The following MSI2 variants were observed in gnomAD, a reference collection of about 807,000 sequenced individuals.
MSI2 encodes musashi RNA binding protein 2.
A neutral mutation model predicts 45.6 loss-of-function variants in MSI2; 17 were observed. The observed-to-expected ratio is 0.37, with a 90% CI of 0.26 to 0.56. The LOEUF (loss-of-function observed/expected upper bound fraction) is 0.56. MSI2 is among the 20% of genes least tolerant of loss of function. MSI2 has a pLI of 0.77. For missense variants in MSI2, 293 were observed against 444.2 expected, an observed-to-expected ratio of 0.66 and a Z score of 3.06; for synonymous variants, 156 against 158.2, an observed-to-expected ratio of 0.99 and a Z score of 0.11.
At chr17:57,626,896 C>T in intron 9 of MSI2, 1 of 389,960 alleles carries the variant, frequency 2.6e-6, no homozygotes, top group South Asian at 3.3e-5. Context: ...AGGTAAAGTA[C>T]ATGCAGGGTA....
At position 57,482,298 on chromosome 17, in the gene MSI2, C is replaced by T. The variant is rs536883034; in HGVS notation, c.406-47378C>T. 2.6e-5 allele frequency among the ~76,000 whole-genome samples: 4 copies of T among 152,298 alleles called. No homozygotes were observed. In the East Asian group the frequency reaches 7.7e-4, roughly 29 times the overall value. ...GAGATTGTTGGAAACACCATCGGCTCACAGTTGCTTTGGCGTTCACGCTAC... is the reference window on the plus strand; with the variant it reads ...GAGATTGTTGGAAACACCATCGGCTTACAGTTGCTTTGGCGTTCACGCTAC... On this transcript the variant is annotated intron_variant, in intron 6 of 13. Transcript: ENST00000284073.
intron 7 of MSI2, among the ~76,000 whole-genome samples, chr17:57,575,944 CAAAAAAA>C (rs34036311): frequency 5.1e-4 from 33 of 64,440 alleles, no homozygotes; most frequent in African/African-American, 1.2e-3. Context: ...GACTCCGTCT[CAAAAAAA>C]AAAAAAAAAA....
chr17:57,629,736 G>A (rs1247534645), intron 10 of MSI2: 4 of 152,890 alleles, frequency 2.6e-5, no homozygotes, highest in African/African-American at 7.2e-5. Flanking sequence ...AGAAGCTGGT[G>A]GCTTTTCCTC....
chr17:57,691,772 C>G, the MSI2 span, among the ~76,000 whole-genome samples: 5 of 152,172 alleles, frequency 3.3e-5, no homozygotes, highest in Non-Finnish European at 7.4e-5. Context: ...GATAATCATA[C>G]TGTCTGAAAA....
chr17:57,508,714 C>T (rs1185070718), intron 6 of MSI2, among the ~76,000 whole-genome samples: 2 of 152,178 alleles, frequency 1.3e-5, no homozygotes, highest in Non-Finnish European at 2.9e-5. Flanking sequence ...GAGTGCAGCT[C>T]ACAGATACGC....
chr17:57,631,831 G>A (rs781589123), intron 10 of MSI2: 2 of 1,613,524 alleles, frequency 1.2e-6, no homozygotes, highest in East Asian at 4.5e-5. Context: ...TTATCAACTA[G>A]CTCTTAAGAG....
chr17:57,504,262 C>T (rs2086179458), intron 6 of MSI2, among the ~76,000 whole-genome samples: 1 of 152,160 alleles, frequency 6.6e-6, no homozygotes, highest in Admixed American at 6.5e-5. Flanking sequence ...AGGCTGTGTG[C>T]CCTCCCGTTA....
At chr17:57,420,539 G>A (rs1312239039) in intron 6 of MSI2, among the ~76,000 whole-genome samples, 1 of 152,164 alleles carries the variant, frequency 6.6e-6, no homozygotes, top group Non-Finnish European at 1.5e-5. Context: ...GCAACCTGCC[G>A]AGGGAGTCGG....
At chr17:57,541,420 A>G (rs1229323997) in intron 7 of MSI2, among the ~76,000 whole-genome samples, 1 of 152,198 alleles carries the variant, frequency 6.6e-6, no homozygotes, top group Non-Finnish European at 1.5e-5. Context: ...GCTCATGTGT[A>G]TGACAACATG....
At chr17:57,489,283 C>T (rs1427091404) in intron 6 of MSI2, among the ~76,000 whole-genome samples, 1 of 152,124 alleles carries the variant, frequency 6.6e-6, no homozygotes. Context: ...TCTGATGGAG[C>T]TTCTCAAGGG....
intron 10 of MSI2, chr17:57,632,407 G>A: frequency 9.4e-7 from 1 of 1,066,182 alleles, no homozygotes; most frequent in African/African-American, 1.6e-5. Context: ...GCCAGTGGCT[G>A]TTGGCATAAT....
intron 6 of MSI2, among the ~76,000 whole-genome samples, chr17:57,513,925 T>A (rs930528677): frequency 1.3e-5 from 2 of 152,208 alleles, no homozygotes; most frequent in Non-Finnish European, 2.9e-5. Flanking sequence ...AAAAGAAATG[T>A]AAATGAATTA....
intron 7 of MSI2, among the ~76,000 whole-genome samples, chr17:57,577,909 A>T (rs1205774043): frequency 1.3e-5 from 2 of 152,106 alleles, no homozygotes; most frequent in South Asian, 4.1e-4. Context: ...GGCATTGTTG[A>T]TAATAACATC....
At chr17:57,340,962 C>T (rs1446571779) in intron 5 of MSI2, among the ~76,000 whole-genome samples, 1 of 152,206 alleles carries the variant, frequency 6.6e-6, no homozygotes, top group Non-Finnish European at 1.5e-5. Context: ...TCACCTCCGA[C>T]CTGGGATCTG....
At chr17:57,430,557 T>A (rs1280184444) in intron 6 of MSI2, among the ~76,000 whole-genome samples, 1 of 152,266 alleles carries the variant, frequency 6.6e-6, no homozygotes, top group Non-Finnish European at 1.5e-5. Context: ...TATGCATGCC[T>A]CTAAAGCAAT....
intron 6 of MSI2, among the ~76,000 whole-genome samples, chr17:57,494,891 C>T (rs558926431): frequency 2.6e-5 from 4 of 151,668 alleles, no homozygotes; most frequent in Non-Finnish European, 4.4e-5. Context: ...TCAACTCAAG[C>T]GGAGGGAGGT....
chr17:57,421,554 C>T (rs2084397039), intron 6 of MSI2, among the ~76,000 whole-genome samples: 1 of 151,836 alleles, frequency 6.6e-6, no homozygotes, highest in Admixed American at 6.6e-5. Context: ...CCTCCTCCTC[C>T]TCCTTCTCCT....
intron 5 of MSI2, among the ~76,000 whole-genome samples, chr17:57,357,020 G>A (rs2143873722): frequency 6.6e-6 from 1 of 152,126 alleles, no homozygotes; most frequent in Middle Eastern, 3.4e-3. Flanking sequence ...AGCTGCCCAG[G>A]GCCCATTCAG....
At chr17:57,530,883 C>T (rs747607537) in intron 7 of MSI2, among the ~76,000 whole-genome samples, 1 of 151,920 alleles carries the variant, frequency 6.6e-6, no homozygotes, top group Non-Finnish European at 1.5e-5. Flanking sequence ...TCAAATGCAT[C>T]CCTCTACAGC....
Sources: allele counts gnomAD v4.1 joint callset (sites outside exome capture counted in the v4.1 genomes callset), GRCh38; gene constraint gnomAD v4.1.1; transcripts MANE v1.5; gene names NCBI Gene and HGNC (gene_info 2026-07-23, HGNC 2026-07-21).